The following TMEM51 variants were observed in gnomAD, a reference collection of about 807,000 sequenced individuals.
TMEM51 encodes the protein transmembrane protein 51, also known as chromosome 1 open reading frame 72.
TMEM51 carries 8 observed loss-of-function variants against 13.6 expected under a neutral mutation model. The observed-to-expected ratio is 0.59, with a 90% CI of 0.35 to 1.07. The LOEUF is 1.07. Ranked by LOEUF, TMEM51 falls within the 50% of genes least tolerant of loss-of-function variation. The pLI is 0.02. For synonymous variants in TMEM51, 147 were observed against 144.4 expected, an observed-to-expected ratio of 1.02 and a Z score of -0.13; for missense variants, 279 against 330.7, an observed-to-expected ratio of 0.84 and a Z score of 1.21.
chr1:15,190,122 G>A (rs1436379993), intron 1 of TMEM51, among the ~76,000 whole-genome samples: 1 of 152,170 alleles, frequency 6.6e-6, no homozygotes, highest in Non-Finnish European at 1.5e-5. Flanking sequence ...AGGGCTTGGG[G>A]GCAGGTGAGA....
intron 1 of TMEM51, among the ~76,000 whole-genome samples, chr1:15,202,923 C>T (rs1300973687): frequency 6.6e-6 from 1 of 152,158 alleles, no homozygotes; most frequent in Non-Finnish European, 1.5e-5. Context: ...CTTGAATGGC[C>T]TTCAGTTAGT....
intron 1 of TMEM51, among the ~76,000 whole-genome samples, chr1:15,193,748 G>T (rs979569930): frequency 2.6e-5 from 4 of 151,996 alleles, no homozygotes; most frequent in African/African-American, 9.7e-5. Flanking sequence ...GTAGAGACAG[G>T]GTTTCACCAT....
At position 15,195,862 on chromosome 1, in the gene TMEM51, G is replaced by A. The variant is rs115677890; in HGVS notation, c.-266-14628G>A. Among the ~76,000 whole-genome samples the A allele has an allele frequency of 3.7e-3, 556 of 152,256 alleles. 6 individuals carry two copies. Among genetic ancestry groups the A allele is most frequent in the African/African-American group, 8.8e-3 (364 of 41,556 alleles). On this transcript the variant is annotated intron_variant, in intron 1 of 3. Transcript: ENST00000376008. The stretch of plus-strand genomic sequence containing the variant: ...TGACCCAGCAGGATTCCCAGGAGAC[G>A]TGGCTTGTGGGAAAGAAGCCCAAGC...
chr1:15,172,276 T>G (rs1357465564), intron 1 of TMEM51, among the ~76,000 whole-genome samples: 2 of 150,872 alleles, frequency 1.3e-5, no homozygotes, highest in Non-Finnish European at 2.9e-5. Flanking sequence ...CCCAGCTACT[T>G]GGAAGGCTGA....
chr1:15,187,950 T>C (rs1643835162), intron 1 of TMEM51, among the ~76,000 whole-genome samples: 1 of 152,202 alleles, frequency 6.6e-6, no homozygotes, highest in Non-Finnish European at 1.5e-5. Flanking sequence ...AGAGGATGCA[T>C]GGGCACAGGT....
chr1:15,208,996 C>A (rs989881650), intron 1 of TMEM51, among the ~76,000 whole-genome samples: 12 of 151,990 alleles, frequency 7.9e-5, no homozygotes, highest in Non-Finnish European at 1.8e-4. Flanking sequence ...CGCTCATGTA[C>A]CCTTCACTGT....
chr1:15,176,385 C>T (rs1049910434), intron 1 of TMEM51, among the ~76,000 whole-genome samples: 34 of 152,258 alleles, frequency 2.2e-4, no homozygotes, highest in African/African-American at 7.0e-4. Flanking sequence ...TCTAAATGGC[C>T]GGTAGCAATT....
rs1642771799 is a variant in TMEM51 at position 15,161,264 on chromosome 1, T to C, written c.-267+7310T>C. 6.6e-6 allele frequency among the ~76,000 whole-genome samples: 1 copy of C among 152,000 alleles called. No homozygotes were observed. Among genetic ancestry groups the C allele is most frequent in the Non-Finnish European group, 1.5e-5 (1 of 68,028 alleles). ...GCTCATACCTGTAATCCCAGCACTT[T>C]GGGAGGCCAAAGCAGGTGGATTGCT... On this transcript the variant is annotated intron_variant, in intron 1 of 3. Coordinates refer to ENST00000376008, the MANE Select transcript of TMEM51 (RefSeq NM_001136218.2). The surrounding 1 kb of genome is among the most constrained non-coding windows in gnomAD (Gnocchi z 4.0).
intron 1 of TMEM51, among the ~76,000 whole-genome samples, chr1:15,189,232 T>TTTTTTTTTTTTTTG (rs1480197855): frequency 6.7e-6 from 1 of 148,200 alleles, no homozygotes; most frequent in Non-Finnish European, 1.5e-5. Flanking sequence ...TTTTTTTTTT[T>TTTTTTTTTTTTTTG]TTTAGTAGAG....
At chr1:15,209,712 C>T (rs3892854) in intron 1 of TMEM51, among the ~76,000 whole-genome samples, 3,581 of 152,170 alleles carry the variant, frequency 0.024, 154 homozygotes, top group African/African-American at 0.082. Context: ...TTGGGATAAA[C>T]CCAACTTGAT....
chr1:15,204,568 CT>C lies in TMEM51; in HGVS notation c.-266-5921del, dbSNP rs538100707. ...AGACCTCATTGATGGGAACTCTGCC[CT>C]GCCTTGGTGGAAAGGCTGGCTTTTC... is the stretch of plus-strand genomic sequence containing the variant. On this transcript the variant is annotated intron_variant, in intron 1 of 3. Transcript: ENST00000376008. Among the ~76,000 whole-genome samples, 863 of 152,278 alleles carry C rather than the reference CT, an allele frequency of 5.7e-3. 10 individuals carry two copies. The highest frequency in any genetic ancestry group is 0.02 in the African/African-American group (821 of 41,568).
intron 2 of TMEM51, among the ~76,000 whole-genome samples, chr1:15,211,850 T>C (rs1644345594): frequency 8.2e-6 from 1 of 121,588 alleles, no homozygotes; most frequent in Admixed American, 1.1e-4. Context: ...GATTTTTACA[T>C]ACGTGTGTAT....
At chr1:15,198,234 AC>A (rs1271152012) in intron 1 of TMEM51, among the ~76,000 whole-genome samples, 1 of 151,494 alleles carries the variant, frequency 6.6e-6, no homozygotes, top group Non-Finnish European at 1.5e-5. Context: ...AATGTGCCCC[AC>A]CCCCTATACA....
At chr1:15,166,982 A>G (rs115087375) in intron 1 of TMEM51, among the ~76,000 whole-genome samples, 14 of 152,234 alleles carry the variant, frequency 9.2e-5, no homozygotes, top group South Asian at 2.1e-4. Flanking sequence ...TCACGTAAAT[A>G]GAATCATACA....
At chr1:15,172,379 C>A (rs1361037272) in intron 1 of TMEM51, among the ~76,000 whole-genome samples, 3 of 97,060 alleles carry the variant, frequency 3.1e-5, no homozygotes, top group Admixed American at 1.6e-4. Context: ...GTGAGTGAGA[C>A]CCTGTCTCAA....
intron 1 of TMEM51, among the ~76,000 whole-genome samples, chr1:15,194,988 G>A (rs1274049755): frequency 7.1e-6 from 1 of 141,266 alleles, no homozygotes; most frequent in East Asian, 2.1e-4. Context: ...GCAATGGCGC[G>A]ATCTCATCTC....
chr1:15,201,792 A>T (rs1644160737), intron 1 of TMEM51, among the ~76,000 whole-genome samples: 1 of 152,142 alleles, frequency 6.6e-6, no homozygotes, highest in South Asian at 2.1e-4. Flanking sequence ...GCGGTGGCTA[A>T]AAAAGAAAAT....
Position 15,188,334 on chromosome 1 carries a change from AC to A in TMEM51, c.-266-22155del, listed in dbSNP as rs754398338. Among the ~76,000 whole-genome samples, 153 of 152,268 alleles carry A rather than the reference AC, an allele frequency of 1.0e-3. 1 individual carries two copies. Among genetic ancestry groups the A allele is most frequent in the Non-Finnish European group, 1.5e-3 (99 of 68,004 alleles). On this transcript the variant is annotated intron_variant, in intron 1 of 3. Coordinates refer to ENST00000376008, the MANE Select transcript of TMEM51 (RefSeq NM_001136218.2). ...AAAGAACTGAGCCTCACTGGTGCTG[AC>A]TGGGCCACAGCCCCACCCCCTGGGA...
chr1:15,171,099 T>TCCG, intron 1 of TMEM51: 6 of 806,996 alleles, frequency 7.4e-6, no homozygotes, highest in Non-Finnish European at 1.1e-5. Context: ...TCCTCCCTCC[T>TCCG]CCTCCACCCC....
Sources: gnomAD v4.1 joint callset for allele counts (sites outside exome capture counted in the v4.1 genomes callset) on GRCh38, gnomAD v4.1.1 for gene constraint, Gnocchi (gnomAD v3.1) non-coding constraint, MANE v1.5 for transcripts, NCBI Gene and HGNC (gene_info 2026-07-23, HGNC 2026-07-21) for gene names.